The following PADI1 variants were observed in gnomAD, a reference collection of about 807,000 sequenced individuals.
PADI1 encodes the protein peptidyl arginine deiminase 1, also known as protein-arginine deiminase type-1.
A neutral mutation model predicts 74.8 loss-of-function variants in PADI1; 65 were observed. That is an observed-to-expected ratio of 0.87 (90% CI 0.71 to 1.07). The LOEUF is 1.07. PADI1 is among the 50% of genes least tolerant of loss of function. The probability of loss-of-function intolerance (pLI) is 0.00; values close to 1 mark genes in which losing one functional copy is unlikely to be tolerated. For missense variants in PADI1, 943 were observed against 854.0 expected, an observed-to-expected ratio of 1.10 and a Z score of -1.30; for synonymous variants, 371 against 336.2, an observed-to-expected ratio of 1.10 and a Z score of -1.13.
chr1:17,221,499 G>A (rs1242628652), intron 1 of PADI1, among the ~76,000 whole-genome samples: 1 of 151,784 alleles, frequency 6.6e-6, no homozygotes, highest in Admixed American at 6.6e-5. Context: ...ATCAGAGCAG[G>A]GGAAGGGAGA....
chr1:17,217,851 A>G (rs1454496444), intron 1 of PADI1, among the ~76,000 whole-genome samples: 2 of 152,208 alleles, frequency 1.3e-5, no homozygotes, highest in African/African-American at 4.8e-5. Flanking sequence ...AAAGTGATGG[A>G]GACAGGTTAA....
intron 1 of PADI1, among the ~76,000 whole-genome samples, chr1:17,221,401 G>A (rs765326550): frequency 3.3e-5 from 5 of 151,552 alleles, no homozygotes; most frequent in African/African-American, 7.3e-5. Flanking sequence ...CCTGGGAGGC[G>A]GAGGTTGCAG....
chr1:17,232,090 C>A (rs942146505), intron 10 of PADI1, among the ~76,000 whole-genome samples: 4 of 152,102 alleles, frequency 2.6e-5, no homozygotes, highest in Admixed American at 2.6e-4. Context: ...AGGTGTCCCC[C>A]ACCCTACCAC....
chr1:17,226,908 A>T lies in PADI1; in HGVS notation c.652+750A>T, dbSNP rs564216921. The stretch of plus-strand genomic sequence containing the variant: ...ACTAAAAAATACAAAAAAATTAGCC[A>T]GGTGTGGCGGCAGGTGCCTGTAGTC... On this transcript the variant is annotated intron_variant, in intron 6 of 15. Coordinates refer to ENST00000375471, the MANE Select transcript of PADI1 (RefSeq NM_013358.3). Among the ~76,000 whole-genome samples the T allele has an allele frequency of 6.6e-5, 10 of 152,164 alleles. No individual in the cohort carries two copies. The South Asian group carries it at 2.1e-3, about 32-fold the overall frequency.
chr1:17,210,311 C>G (rs938066667), intron 1 of PADI1, among the ~76,000 whole-genome samples: 1 of 152,080 alleles, frequency 6.6e-6, no homozygotes, highest in Admixed American at 6.5e-5. Flanking sequence ...CCTGAGCCAC[C>G]GCGCCCGGCC....
chr1:17,233,372 G>A (rs1406953368), intron 11 of PADI1, among the ~76,000 whole-genome samples: 2 of 152,230 alleles, frequency 1.3e-5, no homozygotes, highest in Non-Finnish European at 2.9e-5. Flanking sequence ...AGTCAGAATA[G>A]CTTCTGTCCT....
chr1:17,223,457 T>C, intron 2 of PADI1, 164 bp from the exon 3 acceptor site: 2 of 615,112 alleles, frequency 3.3e-6, no homozygotes, highest in East Asian at 5.6e-5. Flanking sequence ...AAGGTAGCTC[T>C]GAATCCCAGC....
Position 17,240,637 on chromosome 1 carries a change from A to G in PADI1, c.1635A>G (p.Lys545=). 1 of 1,613,914 alleles carries G rather than the reference A, an allele frequency of 6.2e-7. No homozygotes were observed. The highest frequency in any genetic ancestry group is 8.5e-7 in the Non-Finnish European group (1 of 1,179,842). ...TGCCCAGCTGCCTCCTTCCCCAGAAATGCATTGACTGGAACCGTAATGTGC... is the reference window on the plus strand; with the variant it reads ...TGCCCAGCTGCCTCCTTCCCCAGAAGTGCATTGACTGGAACCGTAATGTGC... ...HLQRDNLHAQ[K]CIDWNRNVLK... The change falls in exon 15 of 16, where the codon AAA becomes AAG. Residue 545 remains lysine, a splice_region_variant and synonymous_variant. Coordinates refer to ENST00000375471, the MANE Select transcript of PADI1 (RefSeq NM_013358.3).
At chr1:17,222,237 C>T in intron 1 of PADI1, 53 bp from the exon 2 acceptor site, 1 of 1,409,716 alleles carries the variant, frequency 7.1e-7, no homozygotes. Context: ...GTGGCCACTC[C>T]CCTGAAGAGA....
chr1:17,238,589 G>A (rs1046128331), intron 12 of PADI1, 27 bp from the exon 13 acceptor site: 3 of 1,356,854 alleles, frequency 2.2e-6, no homozygotes, highest in East Asian at 2.8e-5. Context: ...CCTGTCCACT[G>A]AGCCATTCTC....
intron 15 of PADI1, among the ~76,000 whole-genome samples, chr1:17,241,878 G>C (rs2072785086): frequency 6.7e-6 from 1 of 149,174 alleles, no homozygotes; most frequent in African/African-American, 2.5e-5. Context: ...GAATCGGGAT[G>C]GAATCAGGGT....
intron 13 of PADI1, 52 bp downstream of exon 13, chr1:17,238,761 A>G (rs2072711384): frequency 6.5e-6 from 6 of 927,280 alleles, no homozygotes; most frequent in South Asian, 4.3e-5. Flanking sequence ...TTTCATCACC[A>G]TCCTTGGGTA....
chr1:17,209,663 T>C (rs2071785783), intron 1 of PADI1, among the ~76,000 whole-genome samples: 1 of 152,068 alleles, frequency 6.6e-6, no homozygotes, highest in South Asian at 2.1e-4. Flanking sequence ...AGTCTTGGAA[T>C]GTCTCCTCAC....
chr1:17,244,179 T>A lies in PADI1; in HGVS notation c.1928T>A (p.Ile643Asn). The change falls in exon 16 of 16, where the codon ATC becomes AAC. Residue 643 changes from isoleucine to asparagine, a missense_variant. Physicochemically the swap from Ile to Asn is moderately radical, Grantham distance 149. Transcript: ENST00000375471. ...YLSYHELQGE[I>N]HCGTNVRRKP... ...TCCTACCACGAGCTGCAGGGGGAGATCCACTGTGGCACCAACGTGCGCAGG... is the reference window on the plus strand; with the variant it reads ...TCCTACCACGAGCTGCAGGGGGAGAACCACTGTGGCACCAACGTGCGCAGG... 1.9e-6 allele frequency: 3 copies of A among 1,614,116 alleles called. No individual in the cohort carries two copies. The highest frequency in any genetic ancestry group is 2.5e-6 in the Non-Finnish European group (3 of 1,180,020).
At chr1:17,228,153 G>T (rs369055009) in intron 6 of PADI1, among the ~76,000 whole-genome samples, 1 of 151,954 alleles carries the variant, frequency 6.6e-6, no homozygotes, top group Non-Finnish European at 1.5e-5. Flanking sequence ...ACCACGCCTG[G>T]CTATTTTAAA....
In PADI1 at chr1:17,239,718, G is replaced by A. The variant is rs778347342; in HGVS notation, c.1567G>A (p.Ala523Thr). 1.9e-6 allele frequency: 3 copies of A among 1,613,788 alleles called. No homozygotes were observed. In the East Asian group the frequency reaches 6.7e-5, roughly 36 times the overall value. ...TCTTCTTGCAGGGTTAAAACACCAG[G>A]CAAAAAGAAGCATTAATGAGATGCT... ...AAQFDGLKHQ[A>T]KRSINEMLAD... Residue 523 changes from alanine to threonine, a missense_variant, in exon 14 of 16, where the codon GCA (alanine) becomes ACA (threonine). Coordinates refer to ENST00000375471, the MANE Select transcript of PADI1 (RefSeq NM_013358.3).
intron 4 of PADI1, 69 bp from the exon 5 acceptor site, chr1:17,225,742 C>G: frequency 9.7e-7 from 1 of 1,029,516 alleles, no homozygotes. Flanking sequence ...CCCGCCCTGG[C>G]CATGTCTAGA....
Position 17,228,806 on chromosome 1 carries a change from A to G in PADI1, c.825+9A>G, listed in dbSNP as rs367695705. ...GCCTGGTGGACCCGGGGGTGTGTAC[A>G]GCACTGGGGGGTGGCCAAGGAGGCT... is the stretch of plus-strand genomic sequence containing the variant. On this transcript the variant is annotated intron_variant, in intron 7 of 15. Transcript: ENST00000375471. 1.6e-5 allele frequency: 25 copies of G among 1,612,306 alleles called. No individual in the cohort carries two copies. In the African/African-American group the frequency reaches 2.7e-4, roughly 17 times the overall value.
chr1:17,222,472 T>C lies in PADI1; in HGVS notation c.273+2T>C. ...AGTAAGGAATTAAAGGACTTCAAGG[T>C]AAGAGGCCACTTTCTCATAGAAAAG... On this transcript the variant is annotated splice_donor_variant, in intron 2 of 15. Coordinates refer to ENST00000375471, the MANE Select transcript of PADI1 (RefSeq NM_013358.3). LOFTEE classifies it high-confidence loss of function. 1 of 1,609,440 alleles carries C rather than the reference T, an allele frequency of 6.2e-7. No homozygotes were observed. Among genetic ancestry groups the C allele is most frequent in the Non-Finnish European group, 8.5e-7 (1 of 1,175,824 alleles).
Sources: allele counts gnomAD v4.1 joint callset (sites outside exome capture counted in the v4.1 genomes callset), GRCh38; gene constraint gnomAD v4.1.1; transcripts MANE v1.5; gene names NCBI Gene and HGNC (gene_info 2026-07-23, HGNC 2026-07-21).